The following NEGR1 variants were observed in gnomAD, a reference collection of about 807,000 sequenced individuals.
NEGR1 encodes IgLON family member 4.
NEGR1 carries 10 observed loss-of-function variants against 40.9 expected under a neutral mutation model. The ratio of observed to expected loss-of-function variants is 0.24; its 90% CI spans 0.15 to 0.42. The LOEUF (loss-of-function observed/expected upper bound fraction) is 0.42. Ranked by LOEUF, NEGR1 falls within the 10% of genes least tolerant of loss-of-function variation. NEGR1 has a pLI of 1.00. For synonymous variants in NEGR1, 185 were observed against 166.8 expected (o/e 1.11, Z -0.84); for missense variants, 352 against 438.9 (o/e 0.80, Z 1.77).
At chr1:71,799,597 C>A (rs575626599) in intron 2 of NEGR1, among the ~76,000 whole-genome samples, 1 of 152,264 alleles carries the variant, frequency 6.6e-6, no homozygotes, top group African/African-American at 2.4e-5. Flanking sequence ...ATTTCTGGTT[C>A]TAGATCCTTG....
At chr1:71,412,249 T>C (rs774517765) in intron 6 of NEGR1, among the ~76,000 whole-genome samples, 29 of 152,260 alleles carry the variant, frequency 1.9e-4, no homozygotes, top group Non-Finnish European at 3.5e-4. Context: ...CATTACCTCA[T>C]GTCCTTTGTG....
At chr1:71,456,206 G>T (rs558771487) in intron 6 of NEGR1, among the ~76,000 whole-genome samples, 1 of 152,292 alleles carries the variant, frequency 6.6e-6, no homozygotes, top group African/African-American at 2.4e-5. Flanking sequence ...GAAAAACCTG[G>T]TCCACAGAAG....
At chr1:71,732,565 A>G (rs1050689627) in intron 3 of NEGR1, among the ~76,000 whole-genome samples, 1 of 151,828 alleles carries the variant, frequency 6.6e-6, no homozygotes, top group Admixed American at 6.6e-5. Flanking sequence ...ATTCGTGTTG[A>G]CATTGATAAG....
chr1:71,673,130 T>G (rs1174500868), intron 4 of NEGR1, among the ~76,000 whole-genome samples: 1 of 152,056 alleles, frequency 6.6e-6, no homozygotes, highest in Non-Finnish European at 1.5e-5. Flanking sequence ...TCCCAGCTAC[T>G]TGGGAGGCTG....
chr1:72,103,679 A>G (rs1251862392), intron 1 of NEGR1, among the ~76,000 whole-genome samples: 3 of 152,128 alleles, frequency 2.0e-5, no homozygotes, highest in Non-Finnish European at 4.4e-5. Context: ...ATAAGATATG[A>G]GAGGAGAGAG....
At chr1:72,022,463 CTA>C (rs59901074) in intron 1 of NEGR1, among the ~76,000 whole-genome samples, 35,673 of 148,530 alleles carry the variant, frequency 0.24, 5,862 homozygotes, top group African/African-American at 0.47. Context: ...AAATTTATAT[CTA>C]TTTATAAAAA....
At chr1:71,457,871 T>G (rs981673108) in intron 6 of NEGR1, among the ~76,000 whole-genome samples, 1 of 151,992 alleles carries the variant, frequency 6.6e-6, no homozygotes, top group Non-Finnish European at 1.5e-5. Context: ...CCAGCTAATT[T>G]TTTTGTATTT....
intron 4 of NEGR1, among the ~76,000 whole-genome samples, chr1:71,640,571 T>C (rs1651315854): frequency 6.6e-6 from 1 of 152,022 alleles, no homozygotes; most frequent in African/African-American, 2.4e-5. Flanking sequence ...CTCACAAATC[T>C]AAATCTCTCC....
intron 2 of NEGR1, among the ~76,000 whole-genome samples, chr1:71,857,818 T>C (rs1570438171): frequency 6.6e-6 from 1 of 152,118 alleles, no homozygotes; most frequent in East Asian, 1.9e-4. Context: ...TCTTTTTGTC[T>C]CAAATATTGT....
chr1:71,798,223 CTCGGTG>C (rs1224771309), intron 2 of NEGR1: 2 of 151,836 alleles, frequency 1.3e-5, no homozygotes, highest in African/African-American at 2.4e-5. Flanking sequence ...TAATATCAGA[CTCGGTG>C]GAGCAGAGAG....
chr1:71,499,300 T>C (rs1334659714), intron 6 of NEGR1, among the ~76,000 whole-genome samples: 3 of 151,818 alleles, frequency 2.0e-5, no homozygotes, highest in Non-Finnish European at 4.4e-5. Flanking sequence ...TTTCAATACA[T>C]GCTTGAGGAT....
chr1:71,936,276 TATTG>T (rs1354089288), intron 1 of NEGR1, among the ~76,000 whole-genome samples: 3 of 152,218 alleles, frequency 2.0e-5, no homozygotes, highest in Admixed American at 6.6e-5. Flanking sequence ...TTTTGCAATT[TATTG>T]ATCAATACTT....
At chr1:71,658,354 A>G (rs1479177351) in intron 4 of NEGR1, among the ~76,000 whole-genome samples, 35 of 152,206 alleles carry the variant, frequency 2.3e-4, no homozygotes, top group Admixed American at 2.2e-3. Flanking sequence ...TTTATTATTT[A>G]TTCATTAATT....
intron 3 of NEGR1, among the ~76,000 whole-genome samples, chr1:71,755,531 C>T (rs1326857880): frequency 6.6e-6 from 1 of 152,218 alleles, no homozygotes; most frequent in African/African-American, 2.4e-5. Context: ...CCCCAACTAA[C>T]CTTCTCCAAG....
chr1:71,475,192 A>T (rs974174301), intron 6 of NEGR1, among the ~76,000 whole-genome samples: 12 of 152,090 alleles, frequency 7.9e-5, no homozygotes, highest in Non-Finnish European at 1.8e-4. Flanking sequence ...TGGTGCAGAT[A>T]TGCATTTTAC....
intron 6 of NEGR1, among the ~76,000 whole-genome samples, chr1:71,559,250 T>G (rs1043071548): frequency 4.0e-5 from 6 of 151,364 alleles, no homozygotes; most frequent in African/African-American, 1.5e-4. Flanking sequence ...CATGTAATAT[T>G]AGTTTCAGAA....
At chr1:71,638,166 A>T (rs1651223021) in intron 4 of NEGR1, among the ~76,000 whole-genome samples, 1 of 151,948 alleles carries the variant, frequency 6.6e-6, no homozygotes, top group Non-Finnish European at 1.5e-5. Flanking sequence ...CTGCTCAATT[A>T]ATCTTAGAGA....
At chr1:71,575,943 T>C (rs1648953488) in intron 6 of NEGR1, among the ~76,000 whole-genome samples, 1 of 152,218 alleles carries the variant, frequency 6.6e-6, no homozygotes, top group East Asian at 1.9e-4. Flanking sequence ...TTGTCTGCTA[T>C]TACAGATGTT....
chr1:71,930,243 A>T (rs1645842516), intron 2 of NEGR1, among the ~76,000 whole-genome samples: 1 of 152,154 alleles, frequency 6.6e-6, no homozygotes, highest in African/African-American at 2.4e-5. Context: ...TACCAAAGAG[A>T]TGTTCCTTAT....
Sources: gnomAD v4.1 joint callset for allele counts (sites outside exome capture counted in the v4.1 genomes callset) on GRCh38, gnomAD v4.1.1 for gene constraint, MANE v1.5 for transcripts, NCBI Gene and HGNC (gene_info 2026-07-23, HGNC 2026-07-21) for gene names.